ADIPOR2: variants seen among roughly 807,000 people sequenced by gnomAD.
ADIPOR2 encodes adiponectin receptor 2.
In ADIPOR2, 18 loss-of-function variants were observed where a neutral mutation model predicts 40.9. The ratio of observed to expected loss-of-function variants is 0.44; its 90% CI spans 0.30 to 0.65. The LOEUF (loss-of-function observed/expected upper bound fraction) is 0.65. ADIPOR2 is among the 30% of genes least tolerant of loss of function. ADIPOR2 has a pLI of 0.09. For missense variants in ADIPOR2, 283 were observed against 479.2 expected (o/e 0.59, Z 3.82); for synonymous variants, 165 against 166.4 (o/e 0.99, Z 0.06).
intron 1 of ADIPOR2, among the ~76,000 whole-genome samples, chr12:1,691,501 T>G (rs2094626875): frequency 6.6e-6 from 1 of 152,224 alleles, no homozygotes; most frequent in East Asian, 1.9e-4. Context: ...CGGAGCCTGC[T>G]GCCCTCTGCT....
At chr12:1,781,100 A>G in intron 6 of ADIPOR2, 24 bp downstream of exon 6, 1 of 1,533,950 alleles carries the variant, frequency 6.5e-7, no homozygotes, top group African/African-American at 1.4e-5. Flanking sequence ...GAGGTTCTAC[A>G]TTCGACATTC....
intron 1 of ADIPOR2, among the ~76,000 whole-genome samples, chr12:1,737,111 A>T (rs1420074929): frequency 6.6e-6 from 1 of 152,242 alleles, no homozygotes; most frequent in Non-Finnish European, 1.5e-5. Flanking sequence ...TGAGGTGTTG[A>T]ATCCTTCAGG....
At chr12:1,717,203 A>T (rs1478866557) in intron 1 of ADIPOR2, among the ~76,000 whole-genome samples, 6 of 152,206 alleles carry the variant, frequency 3.9e-5, no homozygotes, top group Non-Finnish European at 8.8e-5. Context: ...GTGGAAAGAA[A>T]GTCACTTTTC....
At chr12:1,779,415 C>G (rs1862668248) in intron 4 of ADIPOR2, among the ~76,000 whole-genome samples, 1 of 152,168 alleles carries the variant, frequency 6.6e-6, no homozygotes, top group African/African-American at 2.4e-5. Context: ...AGAAGCCAGA[C>G]ACAGAAGGTC....
chr12:1,729,336 TAAAG>T (rs949262197), intron 1 of ADIPOR2, among the ~76,000 whole-genome samples: 3 of 152,076 alleles, frequency 2.0e-5, no homozygotes, highest in African/African-American at 7.2e-5. Flanking sequence ...TTTTTATTGT[TAAAG>T]AATATAGTTT....
intron 2 of ADIPOR2, chr12:1,760,645 G>A (rs1000378535): frequency 1.3e-5 from 2 of 152,182 alleles, no homozygotes; most frequent in African/African-American, 4.8e-5. Context: ...ATTGTAGTAT[G>A]TACCAGTACT....
intron 1 of ADIPOR2, among the ~76,000 whole-genome samples, chr12:1,734,176 G>T (rs1231682345): frequency 6.6e-6 from 1 of 152,168 alleles, no homozygotes; most frequent in African/African-American, 2.4e-5. Flanking sequence ...GATCCTTGAG[G>T]AATCGCCACA....
chr12:1,766,767 A>C (rs971095945), intron 2 of ADIPOR2, among the ~76,000 whole-genome samples: 1 of 152,194 alleles, frequency 6.6e-6, no homozygotes, highest in East Asian at 1.9e-4. Context: ...TGGTTGTCCT[A>C]CTTTTCTTCT....
At chr12:1,709,975 T>C (rs2094672801) in intron 1 of ADIPOR2, among the ~76,000 whole-genome samples, 1 of 152,216 alleles carries the variant, frequency 6.6e-6, no homozygotes. Context: ...TTTCTGTTCA[T>C]CCTGCCTAGA....
intron 2 of ADIPOR2, among the ~76,000 whole-genome samples, chr12:1,766,855 A>G (rs16928704): frequency 0.13 from 19,403 of 152,282 alleles, 1,584 homozygotes; most frequent in East Asian, 0.26. Flanking sequence ...AAACTGGTTT[A>G]CTTTAACCAA....
intron 1 of ADIPOR2, among the ~76,000 whole-genome samples, chr12:1,748,353 A>G (rs1225995507): frequency 1.3e-5 from 2 of 151,936 alleles, no homozygotes; most frequent in Non-Finnish European, 2.9e-5. Flanking sequence ...GGTTCACGCC[A>G]TTCTCCTGCC....
At chr12:1,746,199 G>C (rs2094754602) in intron 1 of ADIPOR2, among the ~76,000 whole-genome samples, 1 of 152,194 alleles carries the variant, frequency 6.6e-6, no homozygotes, top group South Asian at 2.1e-4. Context: ...TATCAGACAA[G>C]ATAGATTTTT....
At chr12:1,756,162 T>A (rs761007339) in intron 2 of ADIPOR2, among the ~76,000 whole-genome samples, 27 of 151,740 alleles carry the variant, frequency 1.8e-4, no homozygotes, top group South Asian at 8.3e-4. Flanking sequence ...ATAATTATAT[T>A]TTTTTTGAGA....
At chr12:1,737,590 T>A (rs2094733544) in intron 1 of ADIPOR2, among the ~76,000 whole-genome samples, 1 of 152,324 alleles carries the variant, frequency 6.6e-6, no homozygotes, top group South Asian at 2.1e-4. Context: ...TGACTGTTTA[T>A]ATATTTTTTG....
intron 1 of ADIPOR2, among the ~76,000 whole-genome samples, chr12:1,721,347 C>T (rs1404810793): frequency 6.7e-6 from 1 of 148,846 alleles, no homozygotes; most frequent in Non-Finnish European, 1.5e-5. Context: ...TCCTGAGTAG[C>T]TGGGATTACA....
At chr12:1,735,161 A>G (rs909014164) in intron 1 of ADIPOR2, among the ~76,000 whole-genome samples, 24 of 152,304 alleles carry the variant, frequency 1.6e-4, no homozygotes, top group African/African-American at 5.3e-4. Context: ...TGGGGATGGC[A>G]TTGAATCTAT....
intron 2 of ADIPOR2, among the ~76,000 whole-genome samples, chr12:1,771,409 C>G (rs1263589314): frequency 2.6e-5 from 4 of 151,568 alleles, no homozygotes; most frequent in African/African-American, 9.7e-5. Context: ...AAAAAAAGGT[C>G]CCGGGGCTTG....
chr12:1,780,997 C>T lies in ADIPOR2; in HGVS notation c.759C>T (p.Ile253=). The T allele has an allele frequency of 6.2e-7, 1 of 1,613,878 alleles. No individual in the cohort carries two copies. The highest frequency in any genetic ancestry group is 8.5e-7 in the Non-Finnish European group (1 of 1,179,916). ...PQPCFIYLIV[I]CVLGIAAIIV... ...CTTGCTTCATCTACTTGATTGTCAT[C>T]TGTGTGCTGGGCATTGCAGCCATTA... Residue 253 remains isoleucine, a synonymous_variant, in exon 6 of 8, where the codon ATC becomes ATT. Transcript: ENST00000357103.
chr12:1,744,402 C>CT (rs2094750400), intron 1 of ADIPOR2, among the ~76,000 whole-genome samples: 1 of 152,074 alleles, frequency 6.6e-6, no homozygotes, highest in African/African-American at 2.4e-5. Flanking sequence ...CCACGTCCAG[C>CT]TTTTTTTGTT....
Sources: gnomAD v4.1 joint callset for allele counts (sites outside exome capture counted in the v4.1 genomes callset) on GRCh38, gnomAD v4.1.1 for gene constraint, MANE v1.5 for transcripts, NCBI Gene and HGNC (gene_info 2026-07-23, HGNC 2026-07-21) for gene names.